The following PRPSAP1 variants were observed in gnomAD, a reference collection of about 807,000 sequenced individuals.
PRPSAP1 encodes the protein phosphoribosyl pyrophosphate synthase-associated protein 1.
PRPSAP1 carries 31 observed loss-of-function variants against 39.4 expected under a neutral mutation model. The observed-to-expected ratio is 0.79, with a 90% CI of 0.59 to 1.06. The LOEUF (loss-of-function observed/expected upper bound fraction) is 1.06. PRPSAP1 is among the 50% of genes least tolerant of loss of function. The pLI is 0.00. For missense variants in PRPSAP1, 430 were observed against 511.6 expected (o/e 0.84, Z 1.54); for synonymous variants, 212 against 192.6 (o/e 1.10, Z -0.83).
intron 6 of PRPSAP1, among the ~76,000 whole-genome samples, chr17:76,329,395 G>A (rs1406032013): frequency 2.6e-5 from 4 of 152,150 alleles, no homozygotes; most frequent in South Asian, 2.1e-4. Context: ...TCTATCCTTT[G>A]TCCAATATTC....
intron 2 of PRPSAP1, 128 bp from the exon 3 acceptor site, chr17:76,344,865 C>A: frequency 1.6e-6 from 1 of 615,564 alleles, no homozygotes; most frequent in South Asian, 2.1e-5. Context: ...TTTAGGAGGG[C>A]TGAGGAAAGC....
intron 3 of PRPSAP1, 55 bp downstream of exon 3, chr17:76,344,616 C>T (rs1430638828): frequency 7.6e-7 from 1 of 1,321,200 alleles, no homozygotes; most frequent in Non-Finnish European, 1.1e-6. Flanking sequence ...AAAAGATAAT[C>T]AATTATATTG....
chr17:76,336,911 G>A (rs1280154079), intron 3 of PRPSAP1, among the ~76,000 whole-genome samples: 1 of 152,090 alleles, frequency 6.6e-6, no homozygotes, highest in East Asian at 1.9e-4. Context: ...TTCACTGAGA[G>A]ATACCGGACA....
intron 7 of PRPSAP1, among the ~76,000 whole-genome samples, chr17:76,314,892 T>C (rs16968822): frequency 0.13 from 20,055 of 152,188 alleles, 3,149 homozygotes; most frequent in African/African-American, 0.38. Flanking sequence ...TCACAGAGAC[T>C]GACAGAGACA....
intron 2 of PRPSAP1, among the ~76,000 whole-genome samples, chr17:76,346,835 G>C (rs1373301111): frequency 6.6e-6 from 1 of 151,844 alleles, no homozygotes; most frequent in Non-Finnish European, 1.5e-5. Flanking sequence ...GGCAGAGGCT[G>C]CAGTAAGCTG....
chr17:76,354,115 A>G, upstream of PRPSAP1: 1 of 1,010,094 alleles, frequency 9.9e-7, no homozygotes, highest in Non-Finnish European at 1.2e-6. Flanking sequence ...GGAGCAGCCT[A>G]CCTCGGTAGT....
chr17:76,314,024 C>T (rs1230734614), intron 7 of PRPSAP1, 133 bp from the exon 8 acceptor site: 2 of 881,214 alleles, frequency 2.3e-6, no homozygotes, highest in South Asian at 1.5e-5. Context: ...ATGCAAATTC[C>T]CCCTCAATGA....
chr17:76,353,400 G>C (rs1019144912), intron 1 of PRPSAP1, 134 bp downstream of exon 1: 3 of 917,324 alleles, frequency 3.3e-6, no homozygotes, highest in Non-Finnish European at 3.0e-6. Context: ...TCCAAGCTTT[G>C]TCCGGCTGGG....
chr17:76,313,495 C>A, intron 8 of PRPSAP1: 1 of 322,936 alleles, frequency 3.1e-6, no homozygotes, highest in Non-Finnish European at 5.7e-6. Context: ...GAAAACGGAA[C>A]AGCTCATCTT....
chr17:76,352,380 T>C (rs1265146224), intron 1 of PRPSAP1, among the ~76,000 whole-genome samples: 6 of 152,214 alleles, frequency 3.9e-5, no homozygotes, highest in Non-Finnish European at 8.8e-5. Context: ...GCGCGGTGGC[T>C]GAAGCCTGTA....
intron 3 of PRPSAP1, among the ~76,000 whole-genome samples, chr17:76,343,949 A>G (rs957092626): frequency 7.9e-5 from 12 of 152,060 alleles, no homozygotes; most frequent in South Asian, 6.2e-4. Context: ...AAACGAATGT[A>G]TAACTTTTTT....
chr17:76,348,610 A>C lies in PRPSAP1; in HGVS notation c.171-29T>G. On this transcript the variant is annotated intron_variant, in intron 1 of 9. Transcript: ENST00000446526. ...TAGATCAAAAAGAACAAAAAAGGGA[A>C]ATTAAGATTACTCTTTTTAAAAAAA... The C allele has an allele frequency of 2.0e-6, 3 of 1,508,616 alleles. No individual in the cohort carries two copies. The East Asian group carries it at 7.6e-5, about 38-fold the overall frequency. The allele number at this position is 1,508,616 out of a possible 1,614,324, so 93.5% of individuals were successfully genotyped here.
intron 2 of PRPSAP1, among the ~76,000 whole-genome samples, chr17:76,348,253 C>T (rs753090084): frequency 3.3e-5 from 5 of 151,706 alleles, no homozygotes; most frequent in African/African-American, 1.2e-4. Context: ...CAATAGGGTC[C>T]CCTGAGGTCA....
At chr17:76,346,590 C>T (rs1187476217) in intron 2 of PRPSAP1, among the ~76,000 whole-genome samples, 3 of 152,166 alleles carry the variant, frequency 2.0e-5, no homozygotes, top group South Asian at 2.1e-4. Flanking sequence ...GCAGTAGTTC[C>T]GTTTCTAGAC....
intron 1 of PRPSAP1, among the ~76,000 whole-genome samples, chr17:76,352,164 T>C (rs192171140): frequency 1.3e-5 from 2 of 152,248 alleles, no homozygotes; most frequent in Non-Finnish European, 2.9e-5. Flanking sequence ...CTGCAATCAT[T>C]TGTCAACCCT....
chr17:76,320,368 AG>A (rs939597546), intron 7 of PRPSAP1, among the ~76,000 whole-genome samples: 5 of 141,026 alleles, frequency 3.5e-5, no homozygotes, highest in African/African-American at 5.5e-5. Flanking sequence ...AAAGGAAGAA[AG>A]GCAGGCATAC....
chr17:76,344,008 T>A (rs2071468458), intron 3 of PRPSAP1, among the ~76,000 whole-genome samples: 1 of 152,122 alleles, frequency 6.6e-6, no homozygotes, highest in African/African-American at 2.4e-5. Context: ...TAGAGTGCAG[T>A]GGCGCGATCT....
At chr17:76,352,008 C>G (rs1272494571) in intron 1 of PRPSAP1, among the ~76,000 whole-genome samples, 2 of 151,460 alleles carry the variant, frequency 1.3e-5, no homozygotes, top group Non-Finnish European at 2.9e-5. Context: ...AGGTAGTAGA[C>G]TGCAAAAGGA....
chr17:76,324,993 G>C (rs542140977), intron 7 of PRPSAP1, among the ~76,000 whole-genome samples: 9 of 151,410 alleles, frequency 5.9e-5, no homozygotes, highest in Non-Finnish European at 1.2e-4. Flanking sequence ...GTGTGAACCT[G>C]GGGGGTGGAG....
Sources: allele counts gnomAD v4.1 joint callset (sites outside exome capture counted in the v4.1 genomes callset), GRCh38; gene constraint gnomAD v4.1.1; transcripts MANE v1.5; gene names NCBI Gene and HGNC (gene_info 2026-07-23, HGNC 2026-07-21).